PLCB1: variants seen among roughly 807,000 people sequenced by gnomAD.
PLCB1 encodes 1-phosphatidylinositol 4,5-bisphosphate phosphodiesterase beta-1.
A neutral mutation model predicts 161.8 loss-of-function variants in PLCB1; 46 were observed. That is an observed-to-expected ratio of 0.28 (90% CI 0.22 to 0.36). The LOEUF is 0.36. Among genes scored for constraint, PLCB1 ranks in the 10% least tolerant of loss-of-function variants. PLCB1 has a pLI of 1.00. For missense variants in PLCB1, 1,016 were observed against 1,472.5 expected, an observed-to-expected ratio of 0.69 and a Z score of 5.07; for synonymous variants, 517 against 503.7, an observed-to-expected ratio of 1.03 and a Z score of -0.35.
At chr20:8,708,264 T>C (rs2123451104) in intron 11 of PLCB1, among the ~76,000 whole-genome samples, 1 of 152,244 alleles carries the variant, frequency 6.6e-6, no homozygotes, top group South Asian at 2.1e-4. Context: ...CATAAATACA[T>C]GAGAGACAGA....
chr20:8,870,918 C>G (rs572999626), intron 31 of PLCB1, among the ~76,000 whole-genome samples: 1 of 152,310 alleles, frequency 6.6e-6, no homozygotes, highest in South Asian at 2.1e-4. Flanking sequence ...AGACCTTTGT[C>G]TAAAGTGGTG....
intron 3 of PLCB1, among the ~76,000 whole-genome samples, chr20:8,495,707 C>T (rs1219049884): frequency 1.3e-5 from 2 of 151,950 alleles, no homozygotes; most frequent in African/African-American, 4.8e-5. Context: ...GATTTACCTT[C>T]CTTACTTAAC....
At chr20:8,554,236 T>C (rs1462018954) in intron 3 of PLCB1, among the ~76,000 whole-genome samples, 1 of 152,102 alleles carries the variant, frequency 6.6e-6, no homozygotes, top group Non-Finnish European at 1.5e-5. Context: ...TCCTATGGCC[T>C]AACAATTCCA....
intron 23 of PLCB1, among the ~76,000 whole-genome samples, chr20:8,749,269 C>T (rs1031948330): frequency 3.3e-5 from 5 of 152,192 alleles, no homozygotes; most frequent in Admixed American, 2.6e-4. Context: ...GGGGACCACA[C>T]ATTAAAAACC....
chr20:8,554,815 A>G (rs1985896980), intron 3 of PLCB1, among the ~76,000 whole-genome samples: 1 of 152,154 alleles, frequency 6.6e-6, no homozygotes, highest in African/African-American at 2.4e-5. Context: ...TAATAATATT[A>G]GTATCACCTG....
chr20:8,786,049 A>G lies in PLCB1; in HGVS notation c.3112-2400A>G, dbSNP rs114782921. 5.3e-3 allele frequency among the ~76,000 whole-genome samples: 802 copies of G among 152,166 alleles called. 5 individuals carry two copies. The highest frequency in any genetic ancestry group is 0.018 in the African/African-American group (755 of 41,508). On this transcript the variant is annotated intron_variant, in intron 27 of 31. Transcript: ENST00000338037. ...ATTGATTCCCAGGCCCTACCCCTAG[A>G]CATTTGGAGTCCATAGGTCCTGGAA...
intron 2 of PLCB1, among the ~76,000 whole-genome samples, chr20:8,199,508 C>G (rs1391683578): frequency 1.3e-5 from 2 of 152,124 alleles, no homozygotes; most frequent in South Asian, 2.1e-4. Flanking sequence ...ATCCATGTAG[C>G]CTCTATTTTA....
intron 3 of PLCB1, among the ~76,000 whole-genome samples, chr20:8,545,691 C>G (rs1985512025): frequency 6.6e-6 from 1 of 152,168 alleles, no homozygotes; most frequent in African/African-American, 2.4e-5. Flanking sequence ...GGATGACTCT[C>G]AAATTCCCAG....
chr20:8,505,017 C>T (rs980627590), intron 3 of PLCB1, among the ~76,000 whole-genome samples: 1 of 152,090 alleles, frequency 6.6e-6, no homozygotes, highest in African/African-American at 2.4e-5. Flanking sequence ...CATCACCAAG[C>T]CGGGCTACTT....
At chr20:8,657,492 T>G (rs537244782) in intron 8 of PLCB1, among the ~76,000 whole-genome samples, 1 of 152,198 alleles carries the variant, frequency 6.6e-6, no homozygotes, top group South Asian at 2.1e-4. Flanking sequence ...TTTGCTGTGA[T>G]ATATTGCTGG....
intron 31 of PLCB1, among the ~76,000 whole-genome samples, chr20:8,790,685 G>T (rs1983712926): frequency 6.6e-6 from 1 of 152,078 alleles, no homozygotes; most frequent in Non-Finnish European, 1.5e-5. Context: ...AATCACTTTG[G>T]TTTTTATCTA....
intron 3 of PLCB1, among the ~76,000 whole-genome samples, chr20:8,442,054 T>C (rs932087573): frequency 4.6e-5 from 7 of 152,222 alleles, no homozygotes; most frequent in African/African-American, 1.7e-4. Flanking sequence ...AATAAAATAA[T>C]TGAATATATT....
At chr20:8,279,850 A>T (rs1982789845) in intron 2 of PLCB1, among the ~76,000 whole-genome samples, 1 of 152,176 alleles carries the variant, frequency 6.6e-6, no homozygotes, top group Admixed American at 6.5e-5. Context: ...TATCAGGATG[A>T]AGTAAAAAGA....
intron 31 of PLCB1, among the ~76,000 whole-genome samples, chr20:8,823,467 G>T (rs1985537359): frequency 6.6e-6 from 1 of 152,188 alleles, no homozygotes; most frequent in Non-Finnish European, 1.5e-5. Context: ...AGGAACTTGT[G>T]CATCCGTGGA....
intron 2 of PLCB1, among the ~76,000 whole-genome samples, chr20:8,174,718 A>G (rs2051765107): frequency 6.6e-6 from 1 of 152,168 alleles, no homozygotes; most frequent in African/African-American, 2.4e-5. Flanking sequence ...TGAAGTGTAA[A>G]ATATTGATAC....
intron 3 of PLCB1, among the ~76,000 whole-genome samples, chr20:8,556,330 A>G (rs909796050): frequency 1.3e-5 from 2 of 152,074 alleles, no homozygotes; most frequent in Non-Finnish European, 2.9e-5. Flanking sequence ...AGCCATGTAG[A>G]GGACATTCCT....
intron 2 of PLCB1, among the ~76,000 whole-genome samples, chr20:8,210,805 G>A (rs1427295996): frequency 6.6e-6 from 1 of 152,026 alleles, no homozygotes; most frequent in Non-Finnish European, 1.5e-5. Flanking sequence ...TCATTTCTTA[G>A]TTCAAGTGAA....
intron 27 of PLCB1, among the ~76,000 whole-genome samples, chr20:8,778,293 G>T (rs1983043706): frequency 6.6e-6 from 1 of 152,138 alleles, no homozygotes; most frequent in Admixed American, 6.5e-5. Flanking sequence ...GATTTGAGCT[G>T]CAGGAATAGG....
intron 31 of PLCB1, among the ~76,000 whole-genome samples, chr20:8,833,522 G>A (rs1187562751): frequency 6.6e-6 from 1 of 152,150 alleles, no homozygotes; most frequent in Non-Finnish European, 1.5e-5. Flanking sequence ...AAAGAGTGAG[G>A]CAGGGAGAGA....
Sources: gnomAD v4.1 joint callset for allele counts (sites outside exome capture counted in the v4.1 genomes callset) on GRCh38, gnomAD v4.1.1 for gene constraint, MANE v1.5 for transcripts, NCBI Gene and HGNC (gene_info 2026-07-23, HGNC 2026-07-21) for gene names.